The following RAB3GAP2 variants were observed in gnomAD, a reference collection of about 807,000 sequenced individuals.
RAB3GAP2 encodes rab3 GTPase-activating protein non-catalytic subunit.
A neutral mutation model predicts 185.3 loss-of-function variants in RAB3GAP2; 87 were observed. The observed-to-expected ratio is 0.47, with a 90% CI of 0.39 to 0.56. The LOEUF (loss-of-function observed/expected upper bound fraction) is 0.56, where lower values mean the gene tolerates loss of function less well. Ranked by LOEUF, RAB3GAP2 falls within the 20% of genes least tolerant of loss-of-function variation. The pLI is 0.00. For synonymous variants in RAB3GAP2, 554 were observed against 576.1 expected (o/e 0.96, Z 0.55); for missense variants, 1,492 against 1,638.2 (o/e 0.91, Z 1.54).
intron 2 of RAB3GAP2, among the ~76,000 whole-genome samples, chr1:220,226,089 G>A (rs1208967054): frequency 1.3e-5 from 2 of 152,108 alleles, no homozygotes; most frequent in African/African-American, 4.8e-5. Flanking sequence ...TCTTTTGAAT[G>A]GAAATTTTCC....
In RAB3GAP2 at chr1:220,216,910, T is replaced by C. The variant is rs144585242; in HGVS notation, c.181-2931A>G. 2.7e-3 allele frequency among the ~76,000 whole-genome samples: 411 copies of C among 152,218 alleles called. 3 individuals carry two copies. The highest frequency in any genetic ancestry group is 4.0e-3 in the Non-Finnish European group (269 of 68,014). On this transcript the variant is annotated intron_variant, in intron 2 of 34. Coordinates refer to ENST00000358951, the MANE Select transcript of RAB3GAP2 (RefSeq NM_012414.4). ...TTCTTTTTTTTTTCAATAAAGAATA[T>C]TGTTCCTATGTTTCTGTCCCATGTT...
At chr1:220,226,774 C>T (rs1659410684) in intron 2 of RAB3GAP2, among the ~76,000 whole-genome samples, 1 of 152,124 alleles carries the variant, frequency 6.6e-6, no homozygotes, top group Non-Finnish European at 1.5e-5. Context: ...TTGCCCCCAC[C>T]CCAATTCATA....
intron 1 of RAB3GAP2, among the ~76,000 whole-genome samples, chr1:220,271,464 C>T (rs1048515968): frequency 2.0e-5 from 3 of 152,184 alleles, no homozygotes; most frequent in African/African-American, 7.2e-5. Context: ...GAACTTTATA[C>T]TACTTGGGGA....
At chr1:220,199,210 G>A (rs995333682) in intron 9 of RAB3GAP2, among the ~76,000 whole-genome samples, 8 of 152,068 alleles carry the variant, frequency 5.3e-5, no homozygotes, top group South Asian at 2.1e-4. Flanking sequence ...GAAATTACTC[G>A]ATTTTGGATA....
chr1:220,249,014 G>A (rs1659878613), intron 1 of RAB3GAP2, among the ~76,000 whole-genome samples: 1 of 152,130 alleles, frequency 6.6e-6, no homozygotes, highest in Admixed American at 6.5e-5. Context: ...TCCAGTCTCA[G>A]GTATGTCCTG....
intron 17 of RAB3GAP2, among the ~76,000 whole-genome samples, chr1:220,186,496 T>C (rs560385651): frequency 1.3e-5 from 2 of 152,316 alleles, no homozygotes; most frequent in African/African-American, 2.4e-5. Context: ...TGGTCAGGCC[T>C]ATAATGAAGT....
chr1:220,179,674 T>C (rs1235349630), intron 21 of RAB3GAP2, among the ~76,000 whole-genome samples: 4 of 152,184 alleles, frequency 2.6e-5, no homozygotes, highest in African/African-American at 9.7e-5. Context: ...GAAGTATTTA[T>C]CTGACAACAG....
In RAB3GAP2 at chr1:220,263,239, T is replaced by C. The variant is rs553715545; in HGVS notation, c.115+8984A>G. 8.5e-5 allele frequency among the ~76,000 whole-genome samples: 13 copies of C among 152,222 alleles called. No homozygotes were observed. In the South Asian group the frequency reaches 2.1e-3, roughly 24 times the overall value. On this transcript the variant is annotated intron_variant, in intron 1 of 34. Coordinates refer to ENST00000358951, the MANE Select transcript of RAB3GAP2 (RefSeq NM_012414.4). ...CATGATTTGCAAATATTTTCTCCCA[T>C]TTTGAAAACTGCCTTTTCACACTGT...
chr1:220,190,829 G>A (rs1393669843), intron 14 of RAB3GAP2, among the ~76,000 whole-genome samples: 1 of 151,860 alleles, frequency 6.6e-6, no homozygotes, highest in Non-Finnish European at 1.5e-5. Flanking sequence ...ATAAGTAAGG[G>A]ACAAACATTA....
chr1:220,196,160 T>C, intron 10 of RAB3GAP2, 90 bp downstream of exon 10: 1 of 1,428,726 alleles, frequency 7.0e-7, no homozygotes, highest in East Asian at 2.3e-5. Flanking sequence ...TGCTTAATCT[T>C]CTAAGGCTAA....
chr1:220,211,030 T>C (rs1222281844), intron 4 of RAB3GAP2, 28 bp from the exon 5 acceptor site: 2 of 1,601,608 alleles, frequency 1.2e-6, no homozygotes, highest in Non-Finnish European at 1.7e-6. Context: ...ATCATATGCT[T>C]ACCCACTGAA....
rs1030172765 is a variant in RAB3GAP2, at chr1:220,163,752, T to C, written c.3154+981A>G. Among the ~76,000 whole-genome samples the C allele has an allele frequency of 4.6e-4, 61 of 132,932 alleles. 1 individual carries two copies. Among genetic ancestry groups the C allele is most frequent in the African/African-American group, 2.0e-3 (59 of 29,028 alleles). 87.2% of individuals were successfully genotyped at this position (132,932 alleles called of 152,430 possible). A position where few individuals can be genotyped will look rare whatever the true frequency, so the allele number is the denominator to read the frequency against. On this transcript the variant is annotated intron_variant, in intron 27 of 34. Coordinates refer to ENST00000358951, the MANE Select transcript of RAB3GAP2 (RefSeq NM_012414.4). ...AAATATATAAATACATACATATATATATATATATATATATATATATAGGAT... is the reference window on the plus strand; with the variant it reads ...AAATATATAAATACATACATATATACATATATATATATATATATATAGGAT...
intron 8 of RAB3GAP2, 90 bp from the exon 9 acceptor site, chr1:220,202,464 C>T: frequency 7.3e-7 from 1 of 1,361,894 alleles, no homozygotes; most frequent in Non-Finnish European, 1.0e-6. Flanking sequence ...ATTTGTTATT[C>T]TAAAATTTCA....
In RAB3GAP2 at chr1:220,172,651, A is replaced by G; in HGVS notation, c.2402T>C (p.Leu801Pro). The change falls in exon 22 of 35, where the codon CTG becomes CCG. Residue 801 changes from leucine (L) to proline (P), a missense_variant. Around this residue, in one of 5 missense-constraint regions of RAB3GAP2, gnomAD observed 681 missense variants for 689.1 expected, o/e 0.99. Coordinates refer to ENST00000358951, the MANE Select transcript of RAB3GAP2 (RefSeq NM_012414.4). Reference protein sequence around the residue: ...ICCLHTMLSLLSKMKVAIDET... With the variant: ...ICCLHTMLSLPSKMKVAIDET... ...ACTTTGTTTACCTTTCATCTTGCTC[A>G]GGAGGGACAGCATGGTATGAAGACA... 1 of 1,608,828 alleles carries G rather than the reference A, an allele frequency of 6.2e-7. No homozygotes were observed. Among genetic ancestry groups the G allele is most frequent in the Non-Finnish European group, 8.5e-7 (1 of 1,175,072 alleles).
chr1:220,263,880 T>C (rs949292384), intron 1 of RAB3GAP2, among the ~76,000 whole-genome samples: 3 of 152,128 alleles, frequency 2.0e-5, no homozygotes, highest in Non-Finnish European at 4.4e-5. Flanking sequence ...TTTTTGTTCA[T>C]ATATGCCCCA....
chr1:220,151,822 A>C, intron 33 of RAB3GAP2, 58 bp from the exon 34 acceptor site: 2 of 1,519,560 alleles, frequency 1.3e-6, no homozygotes, highest in Non-Finnish European at 1.8e-6. Flanking sequence ...TGTTTATTCT[A>C]TAGGAAAGGG....
rs114714880 is a variant in RAB3GAP2 at position 220,194,964 on chromosome 1, G to A, written c.1130+114C>T. On this transcript the variant is annotated intron_variant, in intron 12 of 34. Coordinates refer to ENST00000358951, the MANE Select transcript of RAB3GAP2 (RefSeq NM_012414.4). ...TGGGAAAAGAAATTCCACTGTAATG[G>A]CTTTCAGAAGTTCCAAAGACAAGAT... 7.8e-5 allele frequency: 81 copies of A among 1,041,590 alleles called. No individual in the cohort carries two copies. In the African/African-American group the frequency reaches 1.2e-3, roughly 15 times the overall value. 64.5% of individuals were successfully genotyped at this position (1,041,590 alleles called of 1,614,324 possible). A position where few individuals can be genotyped will look rare whatever the true frequency, so the allele number is the denominator to read the frequency against.
In RAB3GAP2 at chr1:220,159,421, C is replaced by T. The variant is rs767067297; in HGVS notation, c.3226G>A (p.Val1076Ile). The T allele has an allele frequency of 4.4e-6, 7 of 1,592,672 alleles. No homozygotes were observed. The highest frequency in any genetic ancestry group is 5.2e-6 in the Non-Finnish European group (6 of 1,161,982). The change falls in exon 29 of 35, where the codon GTT becomes ATT. Residue 1076 changes from valine (V) to isoleucine (I), a missense_variant and splice_region_variant. Transcript: ENST00000358951. ...AACCTATCTTTTGGTGATTTTCCAA[C>T]CTAAAATAAAAAGATAAAATGTTGT... The part of the protein sequence containing the change: ...FSAATYLMDK[V>I]GKSPKDRLCR...
Position 220,148,384 on chromosome 1 carries a change from T to TA in RAB3GAP2, c.*2866dup, listed in dbSNP as rs1657662371. 1 of 152,244 alleles carries TA rather than the reference T, an allele frequency of 6.6e-6. No homozygotes were observed. Among genetic ancestry groups the TA allele is most frequent in the South Asian group, 2.1e-4 (1 of 4,826 alleles). The allele number at this position is 152,244 out of a possible 1,614,324, so 9.4% of individuals were successfully genotyped here. On this transcript the variant is annotated 3_prime_UTR_variant, in exon 35 of 35. Coordinates refer to ENST00000358951, the MANE Select transcript of RAB3GAP2 (RefSeq NM_012414.4). ...GCAGTATATACAGAATTTCACTACT[T>TA]ACAGTACATTACAATAGAGAAAGCA...
Sources: gnomAD v4.1 joint callset for allele counts (sites outside exome capture counted in the v4.1 genomes callset) on GRCh38, gnomAD v4.1.1 for gene constraint, gnomAD v4.1.1 regional missense constraint, MANE v1.5 for transcripts, NCBI Gene and HGNC (gene_info 2026-07-23, HGNC 2026-07-21) for gene names.